ADAMTS17: variants seen among roughly 807,000 people sequenced by gnomAD.
ADAMTS17 encodes the protein ADAM metallopeptidase with thrombospondin type 1 motif 17, also known as A disintegrin and metalloproteinase with thrombospondin motifs 17.
A neutral mutation model predicts 141.5 loss-of-function variants in ADAMTS17; 113 were observed. The observed-to-expected ratio is 0.80, with a 90% CI of 0.69 to 0.93. The LOEUF (loss-of-function observed/expected upper bound fraction) is 0.93. ADAMTS17 is among the 40% of genes least tolerant of loss of function. The pLI is 0.00. For synonymous variants in ADAMTS17, 768 were observed against 630.6 expected (o/e 1.22, Z -3.27); for missense variants, 1,659 against 1,517.9 (o/e 1.09, Z -1.54).
At chr15:100,283,348 T>C (rs1451589096) in intron 3 of ADAMTS17, among the ~76,000 whole-genome samples, 4 of 152,134 alleles carry the variant, frequency 2.6e-5, no homozygotes, top group Non-Finnish European at 4.4e-5. Flanking sequence ...AGGCCGCTGG[T>C]GGAAAATCTA....
chr15:100,056,767 T>C (rs1264019593), intron 15 of ADAMTS17, among the ~76,000 whole-genome samples: 7 of 152,098 alleles, frequency 4.6e-5, no homozygotes, highest in Non-Finnish European at 1.0e-4. Context: ...GAACAGCAGA[T>C]GTACCCTGCC....
chr15:100,054,149 G>C, intron 15 of ADAMTS17, 95 bp from the exon 16 acceptor site: 1 of 1,434,628 alleles, frequency 7.0e-7, no homozygotes, highest in Non-Finnish European at 9.8e-7. Flanking sequence ...GAGTGGGGCA[G>C]AGGTCTCCCT....
chr15:100,268,900 CA>C (rs2142023400), intron 4 of ADAMTS17, among the ~76,000 whole-genome samples: 1 of 152,100 alleles, frequency 6.6e-6, no homozygotes, highest in South Asian at 2.1e-4. Context: ...TTACAGTAAC[CA>C]AAAAACATAG....
intron 8 of ADAMTS17, among the ~76,000 whole-genome samples, chr15:100,169,495 C>A (rs1437051173): frequency 6.6e-6 from 1 of 152,220 alleles, no homozygotes; most frequent in Non-Finnish European, 1.5e-5. Context: ...TATTATTATT[C>A]CACTTCACAG....
At position 100,290,410 on chromosome 15, in the gene ADAMTS17, A is replaced by G. The variant is rs1165960232; in HGVS notation, c.617-9009T>C. 2.0e-5 allele frequency among the ~76,000 whole-genome samples: 3 copies of G among 152,334 alleles called. No homozygotes were observed. In the East Asian group the frequency reaches 5.8e-4, roughly 29 times the overall value. On this transcript the variant is annotated intron_variant, in intron 3 of 21. Coordinates refer to ENST00000268070, the MANE Select transcript of ADAMTS17 (RefSeq NM_139057.4). ...ATGGTCTTGGATAGGAAGAAACAAT[A>G]TTGTTAAAATAGCCATAGTGTCCAA...
intron 20 of ADAMTS17, among the ~76,000 whole-genome samples, chr15:99,984,810 A>T (rs2060552208): frequency 6.6e-6 from 1 of 152,220 alleles, no homozygotes; most frequent in African/African-American, 2.4e-5. Flanking sequence ...TACCAGCCAC[A>T]TGCAGGCAGT....
intron 7 of ADAMTS17, among the ~76,000 whole-genome samples, chr15:100,200,250 C>T (rs986632619): frequency 1.4e-4 from 22 of 152,280 alleles, no homozygotes; most frequent in Admixed American, 2.0e-4. Context: ...GTTGGTGGGA[C>T]GGCAGGCCAG....
In ADAMTS17 at chr15:100,341,514, C is replaced by G. The variant is rs2587790; in HGVS notation, c.80-105G>C. The G allele has an allele frequency of 0.26, 249,743 of 974,550 alleles. 33,690 individuals carry two copies. Among genetic ancestry groups the G allele is most frequent in the African/African-American group, 0.46 (25,978 of 56,900 alleles). The allele number at this position is 974,550 out of a possible 1,614,324, so 60.4% of individuals were successfully genotyped here. ...GCGCGGGGACAGCGCGACCCGGAGC[C>G]GGCGCTGCCTTCCCTTCCCTCGCCC... On this transcript the variant is annotated intron_variant, in intron 1 of 21. Coordinates refer to ENST00000268070, the MANE Select transcript of ADAMTS17 (RefSeq NM_139057.4).
At chr15:100,025,869 A>G (rs2061505037) in intron 18 of ADAMTS17, among the ~76,000 whole-genome samples, 1 of 151,462 alleles carries the variant, frequency 6.6e-6, no homozygotes, top group Non-Finnish European at 1.5e-5. Flanking sequence ...CTGTTTATTT[A>G]TTTTTTGGTA....
intron 3 of ADAMTS17, 107 bp from the exon 4 acceptor site, chr15:100,281,508 A>G: frequency 2.1e-6 from 3 of 1,437,194 alleles, no homozygotes; most frequent in Non-Finnish European, 2.8e-6. Context: ...GTCAGTCTCG[A>G]CAGGCCTAGA....
At chr15:100,016,069 T>A (rs564786935) in intron 18 of ADAMTS17, among the ~76,000 whole-genome samples, 1 of 152,352 alleles carries the variant, frequency 6.6e-6, no homozygotes, top group East Asian at 1.9e-4. Context: ...TACTTTCTCA[T>A]TCTTGTCTTT....
chr15:100,020,913 T>A (rs1288654471), intron 18 of ADAMTS17, among the ~76,000 whole-genome samples: 2 of 152,184 alleles, frequency 1.3e-5, no homozygotes, highest in Non-Finnish European at 2.9e-5. Flanking sequence ...CCTCTCCTCC[T>A]CATTTTCTCC....
At chr15:100,062,123 G>A (rs950439656) in intron 15 of ADAMTS17, among the ~76,000 whole-genome samples, 1 of 152,232 alleles carries the variant, frequency 6.6e-6, no homozygotes, top group African/African-American at 2.4e-5. Flanking sequence ...AGTGACAGCT[G>A]GGACAGCTGA....
At chr15:100,015,534 T>C (rs2061272191) in intron 18 of ADAMTS17, among the ~76,000 whole-genome samples, 1 of 152,242 alleles carries the variant, frequency 6.6e-6, no homozygotes, top group South Asian at 2.1e-4. Context: ...TAGAGCTCCT[T>C]TGAGCAGTCC....
At chr15:100,054,940 A>C (rs2032442951) in intron 15 of ADAMTS17, among the ~76,000 whole-genome samples, 1 of 152,170 alleles carries the variant, frequency 6.6e-6, no homozygotes, top group African/African-American at 2.4e-5. Flanking sequence ...GGTGAAGATC[A>C]TGTGGTTCTC....
At chr15:100,099,255 A>G (rs1459556539) in intron 14 of ADAMTS17, among the ~76,000 whole-genome samples, 1 of 152,180 alleles carries the variant, frequency 6.6e-6, no homozygotes, top group East Asian at 1.9e-4. Flanking sequence ...GGAGACAGGG[A>G]ATGCAGGGCT....
intron 18 of ADAMTS17, among the ~76,000 whole-genome samples, chr15:100,010,060 C>G (rs760157131): frequency 6.6e-6 from 1 of 152,160 alleles, no homozygotes; most frequent in Non-Finnish European, 1.5e-5. Flanking sequence ...GTCTTGAGAT[C>G]TGATGGTTTT....
At chr15:100,177,997 A>G (rs766335904) in intron 8 of ADAMTS17, among the ~76,000 whole-genome samples, 4 of 152,026 alleles carry the variant, frequency 2.6e-5, no homozygotes, top group Non-Finnish European at 5.9e-5. Flanking sequence ...TTTTCCCACA[A>G]TGAATGTTTT....
chr15:100,003,209 C>A (rs560647967), intron 18 of ADAMTS17, among the ~76,000 whole-genome samples: 1 of 152,280 alleles, frequency 6.6e-6, no homozygotes, highest in East Asian at 1.9e-4. Context: ...CACCAGGCAG[C>A]TCAGGGCACA....
Sources: allele counts gnomAD v4.1 joint callset (sites outside exome capture counted in the v4.1 genomes callset), GRCh38; gene constraint gnomAD v4.1.1; transcripts MANE v1.5; gene names NCBI Gene and HGNC (gene_info 2026-07-23, HGNC 2026-07-21).